Variants in NR2F6 observed in about 807,000 individuals in gnomAD.
NR2F6 encodes ERBA-related gene-2.
NR2F6 carries 16 observed loss-of-function variants against 26.5 expected under a neutral mutation model. That is an observed-to-expected ratio of 0.60 (90% CI 0.41 to 0.92). The LOEUF (loss-of-function observed/expected upper bound fraction) is 0.92. Ranked by LOEUF, NR2F6 falls within the 40% of genes least tolerant of loss-of-function variation. The pLI is 0.00. For synonymous variants in NR2F6, 325 were observed against 305.0 expected, an observed-to-expected ratio of 1.07 and a Z score of -0.68; for missense variants, 536 against 631.7, an observed-to-expected ratio of 0.85 and a Z score of 1.62.
chr19:17,236,672 A>G (rs1244345007), intron 2 of NR2F6, among the ~76,000 whole-genome samples: 1 of 152,186 alleles, frequency 6.6e-6, no homozygotes, highest in African/African-American at 2.4e-5. Flanking sequence ...CCTATGGAAC[A>G]GGGATCATTT....
intron 3 of NR2F6, among the ~76,000 whole-genome samples, chr19:17,233,003 G>C (rs2145561980): frequency 6.6e-6 from 1 of 152,230 alleles, no homozygotes; most frequent in South Asian, 2.1e-4. Context: ...AGAATAATTA[G>C]CCAGGCATGG....
chr19:17,243,875 G>A (rs1467196542), intron 1 of NR2F6, among the ~76,000 whole-genome samples: 4 of 152,196 alleles, frequency 2.6e-5, no homozygotes, highest in Admixed American at 1.3e-4. Flanking sequence ...ACGCAAAGCA[G>A]GCACCAGGAC....
chr19:17,234,020 C>T (rs948663682), intron 3 of NR2F6, among the ~76,000 whole-genome samples: 7 of 151,618 alleles, frequency 4.6e-5, no homozygotes, highest in African/African-American at 1.5e-4. Flanking sequence ...GTCAGGAGTT[C>T]GAGATCAGCC....
At chr19:17,244,042 C>G (rs976267522) in intron 1 of NR2F6, among the ~76,000 whole-genome samples, 2 of 152,156 alleles carry the variant, frequency 1.3e-5, no homozygotes, top group Non-Finnish European at 2.9e-5. Flanking sequence ...AAAGAACTCC[C>G]GGGCTGGACA....
chr19:17,244,731 C>G (rs2073487432), intron 1 of NR2F6, among the ~76,000 whole-genome samples: 1 of 152,122 alleles, frequency 6.6e-6, no homozygotes, highest in South Asian at 2.1e-4. Context: ...CAGGGACCAC[C>G]TGATGGGGGG....
At chr19:17,240,426 G>A (rs1355010477) in intron 2 of NR2F6, among the ~76,000 whole-genome samples, 2 of 152,130 alleles carry the variant, frequency 1.3e-5, no homozygotes, top group African/African-American at 4.8e-5. Context: ...TCAGCTCCAC[G>A]GCAGCAACCA....
At chr19:17,244,683 G>A (rs1281031541) in intron 1 of NR2F6, among the ~76,000 whole-genome samples, 1 of 152,192 alleles carries the variant, frequency 6.6e-6, no homozygotes, top group Non-Finnish European at 1.5e-5. Flanking sequence ...GAGAAAAAGC[G>A]GAGGGAAGGA....
In NR2F6 at chr19:17,235,323, C is replaced by T. The variant is rs2145563710; in HGVS notation, c.940+176G>A. On this transcript the variant is annotated intron_variant, in intron 3 of 3. Coordinates refer to ENST00000291442, the MANE Select transcript of NR2F6 (RefSeq NM_005234.4). The surrounding 1 kb of genome is among the most constrained non-coding windows in gnomAD (Gnocchi z 5.0). ...GGAGTGGGGGTGTCACAGTGTCACACTGCTTACATCACCCCTCTACAGCCA... is the reference window on the plus strand; with the variant it reads ...GGAGTGGGGGTGTCACAGTGTCACATTGCTTACATCACCCCTCTACAGCCA... Among the ~76,000 whole-genome samples, 1 of 152,352 alleles carries T rather than the reference C, an allele frequency of 6.6e-6. No individual in the cohort carries two copies. Among genetic ancestry groups the T allele is most frequent in the Non-Finnish European group, 1.5e-5 (1 of 68,020 alleles).
intron 3 of NR2F6, among the ~76,000 whole-genome samples, chr19:17,233,952 C>T (rs372324394): frequency 5.6e-4 from 85 of 151,648 alleles, no homozygotes; most frequent in African/African-American, 1.7e-3. Flanking sequence ...AGGCCAGGCG[C>T]GGTGGCTCAC....
Position 17,240,667 on chromosome 19 carries a change from T to A in NR2F6, c.373+4A>T. The A allele has an allele frequency of 6.2e-7, 1 of 1,613,958 alleles. No homozygotes were observed. Among genetic ancestry groups the A allele is most frequent in the Non-Finnish European group, 8.5e-7 (1 of 1,179,830 alleles). ...TCCCCAGTGTGTCCCCAGCACGTAC[T>A]CACCCTCCTTCCTCATGCCCACCCG... On this transcript the variant is annotated splice_donor_region_variant and intron_variant, in intron 2 of 3. Coordinates refer to ENST00000291442, the MANE Select transcript of NR2F6 (RefSeq NM_005234.4).
intron 1 of NR2F6, among the ~76,000 whole-genome samples, chr19:17,241,805 G>A (rs1171448155): frequency 1.3e-5 from 2 of 152,056 alleles, no homozygotes; most frequent in Non-Finnish European, 2.9e-5. Context: ...GATCACCTGA[G>A]GTCAGTTCAA....
In NR2F6 at chr19:17,245,334, G is replaced by A; in HGVS notation, c.-114C>T. ...TTCGGCCCCGGCGCGCGGGGGGCAC[G>A]GGCTGCACCCCCCAAAAAAGTTTTG... On this transcript the variant is annotated 5_prime_UTR_variant, in exon 1 of 4. Coordinates refer to ENST00000291442, the MANE Select transcript of NR2F6 (RefSeq NM_005234.4). The surrounding 1 kb of genome is among the most constrained non-coding windows in gnomAD (Gnocchi z 5.0). 2.2e-6 allele frequency: 2 copies of A among 923,608 alleles called. No homozygotes were observed. The highest frequency in any genetic ancestry group is 2.8e-6 in the Non-Finnish European group (2 of 726,704). The allele number at this position is 923,608 out of a possible 1,614,324, so 57.2% of individuals were successfully genotyped here.
rs1182768000 is a variant in NR2F6 at position 17,245,006 on chromosome 19, G to A, written c.215C>T (p.Thr72Ile). 3 of 1,595,218 alleles carry A rather than the reference G, an allele frequency of 1.9e-6. No individual in the cohort carries two copies. The highest frequency in any genetic ancestry group is 2.3e-5 in the South Asian group (2 of 88,058). Reference protein sequence around the residue: ...KSSGKHYGVFTCEGCKSFFKR... With the variant: ...KSSGKHYGVFICEGCKSFFKR... ...GAAAAAGCTCTTGCAGCCCTCGCAGGTGAAGACACCGTAATGCTTGCCGCT... is the reference window on the plus strand; with the variant it reads ...GAAAAAGCTCTTGCAGCCCTCGCAGATGAAGACACCGTAATGCTTGCCGCT... The change falls in exon 1 of 4, where the codon ACC becomes ATC. Residue 72 changes from threonine (T) to isoleucine (I), a missense_variant. Transcript: ENST00000291442. This position sits in a 1 kb window ranked among gnomAD's most constrained non-coding sequence, Gnocchi z 5.0.
chr19:17,235,469 TC>T lies in NR2F6; in HGVS notation c.940+29del. 6.4e-7 allele frequency: 1 copy of T among 1,551,414 alleles called. No homozygotes were observed. On this transcript the variant is annotated intron_variant, in intron 3 of 3. Coordinates refer to ENST00000291442, the MANE Select transcript of NR2F6 (RefSeq NM_005234.4). This position sits in a 1 kb window ranked among gnomAD's most constrained non-coding sequence, Gnocchi z 5.0. The stretch of plus-strand genomic sequence containing the variant: ...TCCTAACCTCCCTTGGGTCCCCCCA[TC>T]CCGCGGCCCTCTTCGGAGCGTGGCT...
chr19:17,237,906 G>A (rs1287335833), intron 2 of NR2F6, among the ~76,000 whole-genome samples: 1 of 152,140 alleles, frequency 6.6e-6, no homozygotes, highest in Non-Finnish European at 1.5e-5. Flanking sequence ...TTGGGAGGCT[G>A]AGGCAGGAAG....
intron 1 of NR2F6, among the ~76,000 whole-genome samples, chr19:17,243,085 C>T (rs2073478109): frequency 6.6e-6 from 1 of 152,206 alleles, no homozygotes; most frequent in Non-Finnish European, 1.5e-5. Flanking sequence ...CCCAGTCTGC[C>T]ACTAAGTGTT....
rs1305471568 is a variant in NR2F6, at chr19:17,235,899, A to T, written c.540T>A (p.Pro180=). Residue 180 remains proline, a synonymous_variant, in exon 3 of 4, where the codon CCT becomes CCA. Transcript: ENST00000291442. This position sits in a 1 kb window ranked among gnomAD's most constrained non-coding sequence, Gnocchi z 5.0. The part of the protein sequence containing the change: ...IAQLLRAEPY[P]AAAGRFGAGG... ...CTGCGCCGAAGCGTCCGGCCGCCGC[A>T]GGGTAGGGCTCAGCGCGCAGCAGCT... 2 of 1,465,444 alleles carry T rather than the reference A, an allele frequency of 1.4e-6. No homozygotes were observed. Among genetic ancestry groups the T allele is most frequent in the Non-Finnish European group, 1.8e-6 (2 of 1,116,664 alleles). The allele number at this position is 1,465,444 out of a possible 1,614,324, so 90.8% of individuals were successfully genotyped here.
At chr19:17,239,743 C>T (rs933122185) in intron 2 of NR2F6, among the ~76,000 whole-genome samples, 2 of 151,840 alleles carry the variant, frequency 1.3e-5, no homozygotes, top group Admixed American at 6.6e-5. Flanking sequence ...CACTTGAACC[C>T]GGGAGGCGGA....
At position 17,243,825 on chromosome 19, in the gene NR2F6, C is replaced by A. The variant is rs2073481664; in HGVS notation, c.278+1118G>T. Among the ~76,000 whole-genome samples the A allele has an allele frequency of 2.6e-5, 4 of 152,166 alleles. No homozygotes were observed. In the South Asian group the frequency reaches 8.3e-4, roughly 32 times the overall value. On this transcript the variant is annotated intron_variant, in intron 1 of 3. Transcript: ENST00000291442. ...TCCCCACCCTAGCCCCACAGTTCCC[C>A]CACAGTGCCCCCAACTCGGGCAGCG...
Sources: allele counts gnomAD v4.1 joint callset (sites outside exome capture counted in the v4.1 genomes callset), GRCh38; gene constraint gnomAD v4.1.1; non-coding constraint Gnocchi (gnomAD v3.1); transcripts MANE v1.5; gene names NCBI Gene and HGNC (gene_info 2026-07-23, HGNC 2026-07-21).